The following DIAPH3 variants were observed in gnomAD, a reference collection of about 807,000 sequenced individuals.
DIAPH3 encodes diaphanous related formin 3.
DIAPH3 carries 117 observed loss-of-function variants against 144.3 expected under a neutral mutation model. That is an observed-to-expected ratio of 0.81 (90% confidence interval 0.70 to 0.95). The LOEUF (loss-of-function observed/expected upper bound fraction) is 0.95, where lower values mean the gene tolerates loss of function less well. Ranked by LOEUF, DIAPH3 falls within the 40% of genes least tolerant of loss-of-function variation. The probability of loss-of-function intolerance (pLI) is 0.00; values close to 1 mark genes in which losing one functional copy is unlikely to be tolerated. For synonymous variants in DIAPH3, 519 were observed against 488.9 expected (o/e 1.06, Z -0.81); for missense variants, 1,421 against 1,412.7 (o/e 1.01, Z -0.09).
At chr13:60,163,422 C>A (rs1952393831) in intron 1 of DIAPH3, among the ~76,000 whole-genome samples, 165 bp downstream of exon 1, 1 of 152,248 alleles carries the variant, frequency 6.6e-6, no homozygotes, top group Non-Finnish European at 1.5e-5. Context: ...GCATTTGTCA[C>A]AGGATCCAAC....
intron 21 of DIAPH3, among the ~76,000 whole-genome samples, chr13:59,875,335 T>C (rs1266116001): frequency 6.6e-6 from 1 of 152,178 alleles, no homozygotes; most frequent in African/African-American, 2.4e-5. Flanking sequence ...AGGTTTATCC[T>C]TTTAAAAAGT....
chr13:59,939,258 G>C (rs556043342), intron 17 of DIAPH3, among the ~76,000 whole-genome samples: 1 of 152,224 alleles, frequency 6.6e-6, no homozygotes, highest in Admixed American at 6.5e-5. Context: ...TAATGATATA[G>C]ATAATGCTGT....
At chr13:60,117,715 G>A (rs921784839) in intron 2 of DIAPH3, among the ~76,000 whole-genome samples, 3 of 151,998 alleles carry the variant, frequency 2.0e-5, no homozygotes, top group South Asian at 2.1e-4. Flanking sequence ...TTGCACACAC[G>A]ATTTGCTTAA....
At chr13:59,806,325 C>T (rs575189175) in intron 25 of DIAPH3, among the ~76,000 whole-genome samples, 1 of 151,752 alleles carries the variant, frequency 6.6e-6, no homozygotes, top group Non-Finnish European at 1.5e-5. Flanking sequence ...ATAACACCTG[C>T]GAAGAAAAAT....
At chr13:59,752,736 G>A (rs1198500440) in intron 27 of DIAPH3, among the ~76,000 whole-genome samples, 1 of 152,022 alleles carries the variant, frequency 6.6e-6, no homozygotes, top group Non-Finnish European at 1.5e-5. Flanking sequence ...AATGGGAAAG[G>A]TCTAAACAAA....
intron 7 of DIAPH3, 21 bp from the exon 8 acceptor site, chr13:60,010,690 G>C (rs749633210): frequency 1.2e-6 from 2 of 1,608,980 alleles, no homozygotes; most frequent in East Asian, 2.2e-5. Context: ...TTGAAAATAA[G>C]AGGTCAAATG....
chr13:59,699,862 G>A (rs1001555280), intron 27 of DIAPH3, among the ~76,000 whole-genome samples: 1 of 152,096 alleles, frequency 6.6e-6, no homozygotes, highest in Admixed American at 6.5e-5. Context: ...TGCTCCAACC[G>A]CACACACACT....
chr13:59,785,166 C>A (rs1188357361), intron 25 of DIAPH3, among the ~76,000 whole-genome samples: 1 of 152,104 alleles, frequency 6.6e-6, no homozygotes, highest in African/African-American at 2.4e-5. Context: ...AGTTCTCTTT[C>A]ATACTGTAAT....
intron 27 of DIAPH3, among the ~76,000 whole-genome samples, chr13:59,755,993 T>C (rs1477270829): frequency 6.6e-6 from 1 of 152,142 alleles, no homozygotes; most frequent in African/African-American, 2.4e-5. Flanking sequence ...TGATTCCAAA[T>C]ACTCAAAACA....
intron 4 of DIAPH3, among the ~76,000 whole-genome samples, chr13:60,091,388 T>C (rs1233036764): frequency 2.0e-5 from 3 of 152,092 alleles, no homozygotes; most frequent in African/African-American, 4.8e-5. Flanking sequence ...ACCTCTGCCT[T>C]ATGGGCTCAA....
intron 27 of DIAPH3, among the ~76,000 whole-genome samples, chr13:59,717,572 C>T (rs1381341870): frequency 1.3e-5 from 2 of 152,164 alleles, no homozygotes; most frequent in Non-Finnish European, 2.9e-5. Flanking sequence ...CCACATGTCT[C>T]CTATTCGGTT....
chr13:59,667,334 G>A (rs772149906), intron 27 of DIAPH3, among the ~76,000 whole-genome samples: 7 of 152,200 alleles, frequency 4.6e-5, no homozygotes, highest in Non-Finnish European at 8.8e-5. Flanking sequence ...CTCCAAGACA[G>A]TAGGGACATT....
chr13:59,846,238 TA>T (rs34037446), intron 22 of DIAPH3, among the ~76,000 whole-genome samples: 77,926 of 150,218 alleles, frequency 0.52, 21,612 homozygotes, highest in Non-Finnish European at 0.62. Flanking sequence ...TCTTTGTAAT[TA>T]AAAAAAAAAA....
intron 20 of DIAPH3, among the ~76,000 whole-genome samples, chr13:59,894,535 AAAAG>A (rs1447575355): frequency 5.3e-5 from 8 of 151,580 alleles, no homozygotes; most frequent in Admixed American, 4.6e-4. Flanking sequence ...GGAGAAAAAA[AAAAG>A]AAAGAGAGAA....
At chr13:59,772,901 C>A (rs1000172168) in intron 27 of DIAPH3, among the ~76,000 whole-genome samples, 7 of 151,998 alleles carry the variant, frequency 4.6e-5, no homozygotes, top group African/African-American at 1.7e-4. Flanking sequence ...ATATTCTTGT[C>A]ACAGCTGTGT....
rs555657860 is a variant in DIAPH3, at chr13:60,072,634, T to G, written c.495+20994A>C. On this transcript the variant is annotated intron_variant, in intron 4 of 27. Coordinates refer to ENST00000400324, the MANE Select transcript of DIAPH3 (RefSeq NM_001042517.2). ...AAAATATACCTCATACTGCTTACTA[T>G]AAGTTATAGTTACTAAAGGTCTCTA... Among the ~76,000 whole-genome samples, 15 of 152,310 alleles carry G rather than the reference T, an allele frequency of 9.8e-5. No homozygotes were observed. The South Asian group carries it at 1.7e-3, about 17-fold the overall frequency.
intron 24 of DIAPH3, among the ~76,000 whole-genome samples, chr13:59,827,002 C>G (rs910621154): frequency 2.0e-5 from 3 of 152,102 alleles, no homozygotes; most frequent in Admixed American, 2.0e-4. Context: ...AAACTGGATC[C>G]CTTCCTTACA....
In DIAPH3 at chr13:59,730,202, C is replaced by T. The variant is rs540843717; in HGVS notation, c.3319+43987G>A. Among the ~76,000 whole-genome samples, 39 of 152,288 alleles carry T rather than the reference C, an allele frequency of 2.6e-4. 1 individual carries two copies. The South Asian group carries it at 8.1e-3, about 32-fold the overall frequency. ...TTAGACATCACGTGGCTGAACTAGG[C>T]AGCAACTGGCTTCTTCAGATAGGAC... On this transcript the variant is annotated intron_variant, in intron 27 of 27. Coordinates refer to ENST00000400324, the MANE Select transcript of DIAPH3 (RefSeq NM_001042517.2).
intron 4 of DIAPH3, among the ~76,000 whole-genome samples, chr13:60,046,362 A>G (rs2056066042): frequency 1.3e-5 from 2 of 152,230 alleles, no homozygotes; most frequent in Non-Finnish European, 2.9e-5. Context: ...GCCAAAAGAC[A>G]TATTAAAAAA....
Sources: gnomAD v4.1 joint callset for allele counts (sites outside exome capture counted in the v4.1 genomes callset) on GRCh38, gnomAD v4.1.1 for gene constraint, MANE v1.5 for transcripts, NCBI Gene and HGNC (gene_info 2026-07-23, HGNC 2026-07-21) for gene names.